The following FCHSD1 variants were observed in gnomAD, a reference collection of about 807,000 sequenced individuals.
FCHSD1 encodes the protein FCH and double SH3 domains 1, also known as F-BAR and double SH3 domains protein 1.
FCHSD1 carries 109 observed loss-of-function variants against 101.3 expected under a neutral mutation model. The observed-to-expected ratio is 1.08, with a 90% CI of 0.92 to 1.26. FCHSD1 has a LOEUF of 1.26. Among genes scored for constraint, FCHSD1 ranks in the 50% most tolerant of loss-of-function variants. FCHSD1 has a pLI of 0.00. For missense variants in FCHSD1, 820 were observed against 895.8 expected (o/e 0.92, Z 1.08); for synonymous variants, 291 against 356.8 (o/e 0.82, Z 2.08).
Position 141,644,702 on chromosome 5 carries a change from G to C in FCHSD1, c.1525-12C>G, listed in dbSNP as rs1270967194. The C allele has an allele frequency of 6.2e-7, 1 of 1,613,808 alleles. No homozygotes were observed. Among genetic ancestry groups the C allele is most frequent in the Admixed American group, 1.7e-5 (1 of 60,028 alleles). ...TGCTGGTTCCGAGCCTGCTCACCCA[G>C]CAATGTGAACAGATATTAGACTTAC... is the stretch of plus-strand genomic sequence containing the variant. On this transcript the variant is annotated splice_polypyrimidine_tract_variant and intron_variant, in intron 15 of 19. Coordinates refer to ENST00000435817, the MANE Select transcript of FCHSD1 (RefSeq NM_033449.3).
intron 18 of FCHSD1, chr5:141,641,977 T>C (rs546259698): frequency 5.0e-5 from 30 of 598,990 alleles, no homozygotes; most frequent in Middle Eastern, 4.5e-4. Context: ...ATAGGATGCA[T>C]AGTGCTCCCA....
At chr5:141,651,147 C>G (rs1433875048) in intron 1 of FCHSD1, 30 bp from the exon 2 acceptor site, 1 of 1,560,134 alleles carries the variant, frequency 6.4e-7, no homozygotes, top group Middle Eastern at 1.7e-4. Context: ...ATGAAGACCC[C>G]AGCGCAAGGA....
intron 10 of FCHSD1, 144 bp downstream of exon 10, chr5:141,646,991 T>TG: frequency 1.1e-6 from 1 of 900,344 alleles, no homozygotes; most frequent in Non-Finnish European, 1.7e-6. Flanking sequence ...TGTGTCCTGT[T>TG]GGGAGGGAGG....
At chr5:141,648,196 A>G (rs1299389454) in intron 7 of FCHSD1, 100 bp from the exon 8 acceptor site, 4 of 1,420,204 alleles carry the variant, frequency 2.8e-6, no homozygotes, top group Non-Finnish European at 3.8e-6. Flanking sequence ...CACATTATTG[A>G]GTGCTTACTA....
At position 141,639,778 on chromosome 5, in the gene FCHSD1, T is replaced by C. The variant is rs974225892; in HGVS notation, c.*1720A>G. The C allele has an allele frequency of 2.3e-6, 3 of 1,279,184 alleles. No individual in the cohort carries two copies. The highest frequency in any genetic ancestry group is 3.3e-6 in the Non-Finnish European group (3 of 906,128). The allele number at this position is 1,279,184 out of a possible 1,614,324, so 79.2% of individuals were successfully genotyped here. ...CTCCGGCAGAAGTCAGGCTACACAATGTGCCCCACAATCTGAGAAGGCCTC... is the reference window on the plus strand; with the variant it reads ...CTCCGGCAGAAGTCAGGCTACACAACGTGCCCCACAATCTGAGAAGGCCTC... On this transcript the variant is annotated 3_prime_UTR_variant, in exon 20 of 20. Transcript: ENST00000435817. The surrounding 1 kb of genome is among the most constrained non-coding windows in gnomAD (Gnocchi z 4.4).
chr5:141,642,298 A>G, intron 18 of FCHSD1: 1 of 598,820 alleles, frequency 1.7e-6, no homozygotes, highest in South Asian at 2.0e-5. Context: ...GAGCTAAACA[A>G]CGGGTACACA....
rs377288698 is a variant in FCHSD1 at position 141,647,494 on chromosome 5, G to A, written c.732C>T (p.His244=). Residue 244 remains histidine (H), a synonymous_variant, in exon 9 of 20, where the codon CAC becomes CAT. Transcript: ENST00000435817. The stretch of plus-strand genomic sequence containing the variant: ...TCAGGGAGGTCAGGGGGTCCCTCAA[G>A]TGCTCTGACAGCTCACTGACCAGGG... ...LKALVSELSE[H]LRDPLTSLSH... 5.6e-6 allele frequency: 9 copies of A among 1,612,876 alleles called. No homozygotes were observed. The highest frequency in any genetic ancestry group is 1.1e-5 in the South Asian group (1 of 91,010).
At chr5:141,644,771 G>A (rs968580390) in intron 15 of FCHSD1, 81 bp from the exon 16 acceptor site, 5 of 1,604,676 alleles carry the variant, frequency 3.1e-6, no homozygotes, top group Non-Finnish European at 4.3e-6. Context: ...CAGGCTTCTA[G>A]CTTTGCCTAG....
chr5:141,646,378 T>A (rs2099907654), intron 11 of FCHSD1, 187 bp from the exon 12 acceptor site: 1 of 932,382 alleles, frequency 1.1e-6, no homozygotes, highest in Non-Finnish European at 1.6e-6. Flanking sequence ...AGTCACTCCC[T>A]TACCTGGGGC....
At position 141,649,289 on chromosome 5, in the gene FCHSD1, C is replaced by T. The variant is rs907069992; in HGVS notation, c.395G>A (p.Arg132Lys). 6.2e-7 allele frequency: 1 copy of T among 1,613,922 alleles called. No individual in the cohort carries two copies. The highest frequency in any genetic ancestry group is 1.3e-5 in the African/African-American group (1 of 74,946). ...AGACTGCAGCACCTCAGCCTGCGCC[C>T]TCTGGAGGTTCTCTGTTCCCTATTG... ...VLRKGTENLQ[R>K]AQAEVLQSVR... The change falls in exon 6 of 20, where the codon AGG (arginine) becomes AAG (lysine). Residue 132 changes from arginine (R) to lysine (K), a missense_variant. Physicochemically the swap from Arg to Lys is conservative, Grantham distance 26. Transcript: ENST00000435817. The surrounding 1 kb of genome is among the most constrained non-coding windows in gnomAD (Gnocchi z 4.1).
Position 141,640,893 on chromosome 5 carries a change from A to C in FCHSD1, c.*605T>G, listed in dbSNP as rs2154598269. 2 of 582,210 alleles carry C rather than the reference A, an allele frequency of 3.4e-6. No homozygotes were observed. The highest frequency in any genetic ancestry group is 6.1e-6 in the Non-Finnish European group (2 of 328,582). The allele number at this position is 582,210 out of a possible 1,614,324, so 36.1% of individuals were successfully genotyped here. On this transcript the variant is annotated 3_prime_UTR_variant, in exon 20 of 20. Transcript: ENST00000435817. The stretch of plus-strand genomic sequence containing the variant: ...ACAGGCTGCCTGCCCCGCCTTCCCC[A>C]ACACCTCGCTCCATATGATAGAGCG...
chr5:141,643,050 A>G lies in FCHSD1; in HGVS notation c.1902T>C (p.Pro634=), dbSNP rs1270840078. 1 of 1,542,750 alleles carries G rather than the reference A, an allele frequency of 6.5e-7. No homozygotes were observed. The highest frequency in any genetic ancestry group is 1.2e-5 in the South Asian group (1 of 82,228). The change falls in exon 18 of 20, where the codon CCT becomes CCC. Residue 634 remains proline (P), a synonymous_variant. Coordinates refer to ENST00000435817, the MANE Select transcript of FCHSD1 (RefSeq NM_033449.3). The part of the protein sequence containing the change: ...PSPSPPSFSP[P]APTSVLDGPP... The stretch of plus-strand genomic sequence containing the variant: ...GCCCATCCAACACAGAGGTAGGTGC[A>G]GGTGGGGAGAAGCTGGGAGGAGAAG...
chr5:141,647,801 G>T, intron 8 of FCHSD1, 167 bp downstream of exon 8: 1 of 1,092,838 alleles, frequency 9.2e-7, no homozygotes, highest in Non-Finnish European at 1.3e-6. Context: ...ACTGTACAAT[G>T]CCATGCAGCC....
At chr5:141,642,071 TGGG>T in intron 18 of FCHSD1, 1 of 516,308 alleles carries the variant, frequency 1.9e-6, no homozygotes, top group Non-Finnish European at 3.5e-6. Flanking sequence ...AAAGTGAACT[TGGG>T]GTGGTGGAGA....
Position 141,640,542 on chromosome 5 carries a change from T to C in FCHSD1, c.*956A>G, listed in dbSNP as rs2099906737. ...GGCTCCCTGAACCCCCCGAGTAAAC[T>C]GCAGGCTTAGCCTTTGCTATAAATC... On this transcript the variant is annotated 3_prime_UTR_variant, in exon 20 of 20. Transcript: ENST00000435817. 1 of 1,593,056 alleles carries C rather than the reference T, an allele frequency of 6.3e-7. No individual in the cohort carries two copies. The highest frequency in any genetic ancestry group is 8.6e-7 in the Non-Finnish European group (1 of 1,168,160).
intron 8 of FCHSD1, 49 bp from the exon 9 acceptor site, chr5:141,647,569 C>G: frequency 6.3e-7 from 1 of 1,599,878 alleles, no homozygotes. Context: ...CAGACCTCTA[C>G]TGTAAAATAG....
chr5:141,644,755 T>G (rs1056413562), intron 15 of FCHSD1, 65 bp from the exon 16 acceptor site: 12 of 1,607,914 alleles, frequency 7.5e-6, no homozygotes, highest in Middle Eastern at 1.7e-4. Flanking sequence ...CTGGCTCTCT[T>G]CTACTCAGGC....
rs768378070 is a variant in FCHSD1, at chr5:141,650,398, G to A, written c.126C>T (p.Tyr42=). ...EADLLEDIRS[Y]SKQRAAIERE... ...GTTCAATGGCTGCCCTCTGCTTGCT[G>A]TAGGATCTGCGGAGATTGCAGGTCG... Residue 42 remains tyrosine (Y), a synonymous_variant, in exon 3 of 20, where the codon TAC becomes TAT. Transcript: ENST00000435817. 6.2e-7 allele frequency: 1 copy of A among 1,613,924 alleles called. No homozygotes were observed. Among genetic ancestry groups the A allele is most frequent in the South Asian group, 1.1e-5 (1 of 91,076 alleles).
chr5:141,644,117 C>T lies in FCHSD1; in HGVS notation c.1863+101G>A, dbSNP rs535010272. On this transcript the variant is annotated intron_variant, in intron 17 of 19. Coordinates refer to ENST00000435817, the MANE Select transcript of FCHSD1 (RefSeq NM_033449.3). ...GCCCAGGCCACTGTAGGAGGTAAAACTGGGGAGCAGAGGAGGCATTAAGAT... is the reference window on the plus strand; with the variant it reads ...GCCCAGGCCACTGTAGGAGGTAAAATTGGGGAGCAGAGGAGGCATTAAGAT... The T allele has an allele frequency of 2.1e-5, 24 of 1,166,828 alleles. No individual in the cohort carries two copies. In the East Asian group the frequency reaches 5.7e-4, roughly 28 times the overall value. The allele number at this position is 1,166,828 out of a possible 1,614,324, so 72.3% of individuals were successfully genotyped here. A position where few individuals can be genotyped will look rare whatever the true frequency, so the allele number is the denominator to read the frequency against.
Sources: allele counts gnomAD v4.1 joint callset, GRCh38; gene constraint gnomAD v4.1.1; non-coding constraint Gnocchi (gnomAD v3.1); transcripts MANE v1.5; gene names NCBI Gene and HGNC (gene_info 2026-07-23, HGNC 2026-07-21).